The following ADGRA3 variants were observed in gnomAD, a reference collection of about 807,000 sequenced individuals.
The protein encoded by ADGRA3 is adhesion G protein-coupled receptor A3, also known as G-protein coupled receptor 125.
In ADGRA3, 56 loss-of-function variants were observed where a neutral mutation model predicts 119.8. That is an observed-to-expected ratio of 0.47 (90% CI 0.38 to 0.58). ADGRA3 has a LOEUF of 0.58. Among genes scored for constraint, ADGRA3 ranks in the 20% least tolerant of loss-of-function variants. The probability of loss-of-function intolerance (pLI) is 0.00; values close to 1 mark genes in which losing one functional copy is unlikely to be tolerated. For synonymous variants in ADGRA3, 607 were observed against 623.8 expected (o/e 0.97, Z 0.40); for missense variants, 1,516 against 1,649.0 (o/e 0.92, Z 1.40).
At chr4:22,488,335 T>C (rs1718506364) in intron 1 of ADGRA3, among the ~76,000 whole-genome samples, 1 of 148,584 alleles carries the variant, frequency 6.7e-6, no homozygotes, top group Non-Finnish European at 1.5e-5. Flanking sequence ...TGACTGCACA[T>C]CAAAATAATT....
At chr4:22,509,750 C>T (rs1382639435) in intron 1 of ADGRA3, among the ~76,000 whole-genome samples, 1 of 151,968 alleles carries the variant, frequency 6.6e-6, no homozygotes, top group Non-Finnish European at 1.5e-5. Flanking sequence ...GTGGCTCACG[C>T]CTGTAATCCC....
chr4:22,472,479 T>C (rs894727944), intron 2 of ADGRA3, among the ~76,000 whole-genome samples: 1 of 152,168 alleles, frequency 6.6e-6, no homozygotes, highest in African/African-American at 2.4e-5. Context: ...GATAGGAATA[T>C]TGAAATAAAG....
At chr4:22,452,565 A>G (rs1717087335) in intron 4 of ADGRA3, among the ~76,000 whole-genome samples, 1 of 152,188 alleles carries the variant, frequency 6.6e-6, no homozygotes, top group Non-Finnish European at 1.5e-5. Context: ...ACATTCTCAT[A>G]ACAGGTATAA....
At chr4:22,489,950 C>G (rs1250045071) in intron 1 of ADGRA3, among the ~76,000 whole-genome samples, 4 of 152,164 alleles carry the variant, frequency 2.6e-5, no homozygotes, top group Non-Finnish European at 5.9e-5. Flanking sequence ...TACACTGAGA[C>G]AACAGATTCC....
At chr4:22,466,000 T>A (rs1717644359) in intron 2 of ADGRA3, among the ~76,000 whole-genome samples, 1 of 152,120 alleles carries the variant, frequency 6.6e-6, no homozygotes, top group Admixed American at 6.6e-5. Context: ...CTAGCCCAGG[T>A]TGTAAACCAC....
intron 4 of ADGRA3, among the ~76,000 whole-genome samples, chr4:22,452,887 T>C (rs919132382): frequency 2.0e-5 from 3 of 152,052 alleles, no homozygotes; most frequent in Non-Finnish European, 2.9e-5. Flanking sequence ...GTTTTGTCAA[T>C]TCTAACGCAG....
intron 1 of ADGRA3, among the ~76,000 whole-genome samples, chr4:22,483,459 G>T (rs60834951): frequency 0.077 from 11,715 of 152,190 alleles, 609 homozygotes; most frequent in African/African-American, 0.15. Flanking sequence ...CCTTATTCCT[G>T]CTTAAGTCTT....
In ADGRA3 at chr4:22,442,818, C is replaced by T. The variant is rs758890185; in HGVS notation, c.752G>A (p.Arg251His). The T allele has an allele frequency of 1.4e-5, 23 of 1,613,160 alleles. No homozygotes were observed. The highest frequency in any genetic ancestry group is 1.3e-4 in the East Asian group (6 of 44,834). Reference sequence around the variant, plus strand: ...GCTGTCTCCTTCAAACACAACTTGGCGATGAGATGGAGTCATGTAGAAAGA... The same window carrying T: ...GCTGTCTCCTTCAAACACAACTTGGTGATGAGATGGAGTCATGTAGAAAGA... ...LPSFYMTPSHRQVVFEGDSLP... is the reference protein window; with the variant it reads ...LPSFYMTPSHHQVVFEGDSLP... Residue 251 changes from arginine to histidine, a missense_variant, in exon 7 of 19, where the codon CGC (arginine) becomes CAC (histidine). Physicochemically the swap from Arg to His is conservative, Grantham distance 29 (BLOSUM62 0). Around this residue, in one of 2 missense-constraint regions of ADGRA3, gnomAD observed 428 missense variants for 541.9 expected, o/e 0.79. Transcript: ENST00000334304.
rs141840976 is a variant in ADGRA3, at chr4:22,415,799, A to G, written c.1810-1985T>C. Among the ~76,000 whole-genome samples the G allele has an allele frequency of 7.9e-5, 12 of 152,284 alleles. No individual in the cohort carries two copies. In the East Asian group the frequency reaches 2.3e-3, roughly 29 times the overall value. ...CATCTATACTTTCTAGAAGTTAGAA[A>G]AGGTCTCCTACACAAGTTTAAATCT... On this transcript the variant is annotated intron_variant, in intron 12 of 18. Transcript: ENST00000334304.
chr4:22,412,313 A>C (rs1004596142), intron 14 of ADGRA3, among the ~76,000 whole-genome samples: 1 of 152,136 alleles, frequency 6.6e-6, no homozygotes, highest in Non-Finnish European at 1.5e-5. Flanking sequence ...TTATTTCATA[A>C]TTATCTGCTC....
At position 22,497,937 on chromosome 4, in the gene ADGRA3, C is replaced by A. The variant is rs1303594971; in HGVS notation, c.257+17591G>T. Among the ~76,000 whole-genome samples the A allele has an allele frequency of 2.2e-5, 3 of 139,196 alleles. No homozygotes were observed. In the East Asian group the frequency reaches 6.8e-4, roughly 31 times the overall value. 91.3% of individuals were successfully genotyped at this position (139,196 alleles called of 152,430 possible). ...CCAGCCTGGGCAATAGAAAAAGACC[C>A]CATCTAAAAAAAAAAAAAAAAGGCC... On this transcript the variant is annotated intron_variant, in intron 1 of 18. Coordinates refer to ENST00000334304, the MANE Select transcript of ADGRA3 (RefSeq NM_145290.4).
intron 17 of ADGRA3, among the ~76,000 whole-genome samples, chr4:22,389,501 CTT>C (rs529490358): frequency 1.9e-4 from 27 of 143,488 alleles, no homozygotes; most frequent in Non-Finnish European, 1.5e-4. Context: ...CTTACTCTTA[CTT>C]TTTTTTTTTT....
intron 7 of ADGRA3, among the ~76,000 whole-genome samples, chr4:22,440,686 A>G (rs1456677190): frequency 6.6e-6 from 1 of 152,224 alleles, no homozygotes; most frequent in Non-Finnish European, 1.5e-5. Context: ...CAAATAATTT[A>G]GAGTTCTAAA....
rs149293259 is a variant in ADGRA3 at position 22,487,840 on chromosome 4, G to A, written c.258-13997C>T. ...AATTTATCTAACCAAGAAACTCTCT[G>A]AAGTGATAACACTACAATGGCCCGC... is the stretch of plus-strand genomic sequence containing the variant. On this transcript the variant is annotated intron_variant, in intron 1 of 18. Coordinates refer to ENST00000334304, the MANE Select transcript of ADGRA3 (RefSeq NM_145290.4). Among the ~76,000 whole-genome samples, 416 of 152,274 alleles carry A rather than the reference G, an allele frequency of 2.7e-3. 4 individuals are homozygous for A. The highest frequency in any genetic ancestry group is 3.5e-3 in the South Asian group (17 of 4,828).
chr4:22,438,875 T>G (rs908574041), intron 7 of ADGRA3, among the ~76,000 whole-genome samples: 3 of 152,090 alleles, frequency 2.0e-5, no homozygotes, highest in African/African-American at 7.2e-5. Flanking sequence ...CAGACACTTG[T>G]AATCCCAGCT....
intron 14 of ADGRA3, among the ~76,000 whole-genome samples, chr4:22,407,614 C>T (rs1714994909): frequency 6.6e-6 from 1 of 152,156 alleles, no homozygotes; most frequent in African/African-American, 2.4e-5. Flanking sequence ...CTACTCAGTA[C>T]AAACTTTAAT....
At chr4:22,404,179 C>A (rs1388730272) in intron 14 of ADGRA3, among the ~76,000 whole-genome samples, 2 of 151,988 alleles carry the variant, frequency 1.3e-5, no homozygotes, top group African/African-American at 4.8e-5. Context: ...AGCGAAGGAG[C>A]CCACAGTGGA....
chr4:22,471,932 C>A (rs1717870003), intron 2 of ADGRA3, among the ~76,000 whole-genome samples: 1 of 151,872 alleles, frequency 6.6e-6, no homozygotes, highest in Admixed American at 6.6e-5. Flanking sequence ...AAAATAAGGT[C>A]AAAGACAAGG....
chr4:22,478,006 A>G (rs1056504082), intron 1 of ADGRA3: 3 of 152,162 alleles, frequency 2.0e-5, no homozygotes, highest in African/African-American at 7.2e-5. Flanking sequence ...CAAACTTTCT[A>G]GGAGGTAAGT....
Sources: gnomAD v4.1 joint callset for allele counts (sites outside exome capture counted in the v4.1 genomes callset) on GRCh38, gnomAD v4.1.1 for gene constraint, gnomAD v4.1.1 regional missense constraint, MANE v1.5 for transcripts, NCBI Gene and HGNC (gene_info 2026-07-23, HGNC 2026-07-21) for gene names.